TNS3: variants seen among roughly 807,000 people sequenced by gnomAD.
TNS3 encodes tensin 3.
A neutral mutation model predicts 140.9 loss-of-function variants in TNS3; 45 were observed. The observed-to-expected ratio is 0.32, with a 90% CI of 0.25 to 0.41. TNS3 has a LOEUF of 0.41. Ranked by LOEUF, TNS3 falls within the 10% of genes least tolerant of loss-of-function variation. TNS3 has a pLI of 1.00. For synonymous variants in TNS3, 815 were observed against 788.4 expected (o/e 1.03, Z -0.56); for missense variants, 1,716 against 1,906.7 (o/e 0.90, Z 1.86).
chr7:47,526,875 C>A (rs555943141), intron 2 of TNS3, among the ~76,000 whole-genome samples: 2 of 152,330 alleles, frequency 1.3e-5, no homozygotes, highest in East Asian at 3.9e-4. Context: ...CCAATTCAAC[C>A]ACGACTTTCC....
chr7:47,440,283 G>A (rs952533458), intron 5 of TNS3, among the ~76,000 whole-genome samples: 4 of 152,076 alleles, frequency 2.6e-5, no homozygotes, highest in African/African-American at 4.8e-5. Context: ...GACCAGCTGG[G>A]GCATAATCAA....
At chr7:47,321,117 A>C (rs991597984) in intron 20 of TNS3, among the ~76,000 whole-genome samples, 3 of 152,156 alleles carry the variant, frequency 2.0e-5, no homozygotes, top group Non-Finnish European at 4.4e-5. Flanking sequence ...GAAAACCTGC[A>C]TCTCATGGGG....
At chr7:47,323,940 G>T (rs1787888543) in intron 20 of TNS3, among the ~76,000 whole-genome samples, 1 of 152,204 alleles carries the variant, frequency 6.6e-6, no homozygotes. Context: ...AAAAAATCCG[G>T]AAAAACGTAT....
chr7:47,334,734 G>A (rs934459016), intron 20 of TNS3, among the ~76,000 whole-genome samples: 1 of 149,674 alleles, frequency 6.7e-6, no homozygotes, highest in Non-Finnish European at 1.5e-5. Context: ...TCAGCCTCCC[G>A]AGTAGCTGGA....
intron 17 of TNS3, among the ~76,000 whole-genome samples, chr7:47,349,423 T>C (rs915801424): frequency 6.6e-6 from 1 of 152,206 alleles, no homozygotes; most frequent in Non-Finnish European, 1.5e-5. Context: ...AGGAGTAAGA[T>C]GGTTTCCACA....
At chr7:47,422,880 C>A (rs77751412) in intron 10 of TNS3, among the ~76,000 whole-genome samples, 71 of 142,782 alleles carry the variant, frequency 5.0e-4, no homozygotes, top group Non-Finnish European at 5.4e-4. Flanking sequence ...CAAAAAAAAA[C>A]AAAAAAAAAA....
At chr7:47,461,196 T>C (rs907839817) in intron 4 of TNS3, among the ~76,000 whole-genome samples, 4 of 152,136 alleles carry the variant, frequency 2.6e-5, no homozygotes, top group Non-Finnish European at 4.4e-5. Flanking sequence ...AATGAGTACA[T>C]TGGAAGCTGA....
intron 16 of TNS3, among the ~76,000 whole-genome samples, chr7:47,393,751 C>T (rs1792667714): frequency 6.6e-6 from 1 of 152,210 alleles, no homozygotes; most frequent in Admixed American, 6.5e-5. Context: ...AGCTGTGAAT[C>T]TGGCTGCAAA....
intron 16 of TNS3, among the ~76,000 whole-genome samples, chr7:47,382,601 G>A (rs1028397084): frequency 2.0e-5 from 3 of 152,138 alleles, no homozygotes; most frequent in African/African-American, 7.2e-5. Flanking sequence ...TTGTAATTCT[G>A]TGCAGGAGGC....
At chr7:47,467,399 CA>C (rs1447522868) in intron 4 of TNS3, among the ~76,000 whole-genome samples, 2 of 152,310 alleles carry the variant, frequency 1.3e-5, no homozygotes, top group South Asian at 2.1e-4. Flanking sequence ...AGGTTTCCGG[CA>C]GGGACTTTTT....
chr7:47,355,823 G>A (rs972068952), intron 17 of TNS3, among the ~76,000 whole-genome samples: 4 of 152,106 alleles, frequency 2.6e-5, no homozygotes, highest in Non-Finnish European at 4.4e-5. Context: ...CTTTGCCAGC[G>A]CACGGCCTGG....
chr7:47,575,121 C>T (rs1176932246), intron 1 of TNS3, among the ~76,000 whole-genome samples: 1 of 152,078 alleles, frequency 6.6e-6, no homozygotes, highest in African/African-American at 2.4e-5. Context: ...TACGATCTGC[C>T]CAAAGACCTA....
intron 1 of TNS3, chr7:47,579,999 C>G (rs1329776563): frequency 7.2e-6 from 1 of 137,970 alleles, no homozygotes; most frequent in Non-Finnish European, 1.3e-5. Context: ...CAAAGAGACA[C>G]TTTGTTAAAA....
At chr7:47,433,747 C>T (rs1442412679) in intron 8 of TNS3, among the ~76,000 whole-genome samples, 1 of 152,208 alleles carries the variant, frequency 6.6e-6, no homozygotes, top group Non-Finnish European at 1.5e-5. Context: ...CTGCTTAGAA[C>T]AGCTTGCTAC....
intron 4 of TNS3, among the ~76,000 whole-genome samples, chr7:47,478,385 A>G (rs1198372313): frequency 6.6e-6 from 1 of 150,672 alleles, no homozygotes; most frequent in East Asian, 2.0e-4. Flanking sequence ...TACAGAGTGG[A>G]CTCATGCATG....
intron 3 of TNS3, among the ~76,000 whole-genome samples, chr7:47,490,337 G>C (rs1211546791): frequency 6.6e-6 from 1 of 152,252 alleles, no homozygotes; most frequent in Non-Finnish European, 1.5e-5. Flanking sequence ...TTCATCAGAA[G>C]AGACTGATGA....
At chr7:47,346,933 T>C (rs1453913477) in intron 17 of TNS3, among the ~76,000 whole-genome samples, 1 of 152,236 alleles carries the variant, frequency 6.6e-6, no homozygotes, top group Non-Finnish European at 1.5e-5. Flanking sequence ...CAGGCGGTTA[T>C]TCCTGACACA....
intron 15 of TNS3, among the ~76,000 whole-genome samples, chr7:47,398,637 A>T (rs191837924): frequency 6.6e-6 from 1 of 152,336 alleles, no homozygotes. Flanking sequence ...TTATGATAAA[A>T]ACACTCAACA....
intron 10 of TNS3, 144 bp downstream of exon 10, chr7:47,423,957 C>T: frequency 1.2e-6 from 1 of 815,172 alleles, no homozygotes; most frequent in Non-Finnish European, 1.9e-6. Context: ...ACAAGTCTCC[C>T]CACCACCTTC....
Sources: allele counts gnomAD v4.1 joint callset (sites outside exome capture counted in the v4.1 genomes callset), GRCh38; gene constraint gnomAD v4.1.1; transcripts MANE v1.5; gene names NCBI Gene and HGNC (gene_info 2026-07-23, HGNC 2026-07-21).